Variants in TRAPPC2 observed in about 807,000 individuals in gnomAD.
The protein encoded by TRAPPC2 is sedlin.
Under a neutral mutation model 10.0 loss-of-function variants are expected in TRAPPC2, and 4 were observed. The ratio of observed to expected loss-of-function variants is 0.40; its 90% confidence interval spans 0.20 to 0.92. The LOEUF (loss-of-function observed/expected upper bound fraction) is 0.92, where lower values mean the gene tolerates loss of function less well. Among genes scored for constraint, TRAPPC2 ranks in the 40% least tolerant of loss-of-function variants. The pLI is 0.35. For missense variants in TRAPPC2, 52 were observed against 108.7 expected (o/e 0.48, Z 2.32); for synonymous variants, 36 against 37.3 (o/e 0.97, Z 0.12).
Position 13,716,614 on chromosome X carries a change from A to G in TRAPPC2, c.158T>C (p.Met53Thr), listed in dbSNP as rs753551869. The G allele has an allele frequency of 3.2e-5, 39 of 1,210,255 alleles. No individual in the cohort carries two copies. Among genetic ancestry groups the G allele is most frequent in the Non-Finnish European group, 4.1e-5 (37 of 895,073 alleles). ...CAAGTACATGTTGTTCGATAGCCAC[A>G]TGTTCTCATCTACGAGGTCGAGAGC... The part of the protein sequence containing the change: ...HAALDLVDEN[M>T]WLSNNMYLKT... The change falls in exon 4 of 6, where the codon ATG (methionine) becomes ACG (threonine). Residue 53 changes from methionine to threonine, a missense_variant. By Grantham distance (81) the Met-to-Thr change is moderately conservative. Transcript: ENST00000380579.
At chrX:13,727,687 G>T (rs2046583066) in intron 2 of TRAPPC2, among the ~76,000 whole-genome samples, 1 of 112,046 alleles carries the variant, frequency 8.9e-6, no homozygotes. Context: ...GCAATTAAAA[G>T]AACTAGAGAA....
At chrX:13,715,816 T>C in intron 5 of TRAPPC2, 188 bp downstream of exon 5, 2 of 961,809 alleles carry the variant, frequency 2.1e-6, no homozygotes, top group South Asian at 6.5e-5. Flanking sequence ...GAAGTTGTGT[T>C]CCTAAATACA....
chrX:13,716,712 T>C (rs951693629), intron 3 of TRAPPC2, 34 bp from the exon 4 acceptor site: 9 of 1,201,506 alleles, frequency 7.5e-6, no homozygotes, highest in Non-Finnish European at 1.0e-5. Flanking sequence ...CAGATTAACA[T>C]TTGCATATGG....
Position 13,717,980 on chromosome X carries a change from T to C in TRAPPC2, c.94-1302A>G, listed in dbSNP as rs534462932. Among the ~76,000 whole-genome samples the C allele has an allele frequency of 3.0e-4, 34 of 111,524 alleles. 1 individual carries two copies. In the South Asian group the frequency reaches 0.012, roughly 41 times the overall value. ...TTAGAGATGCACACAGGGAGAAAAA[T>C]GCCACATGAAGACTGGAGTTATGCT... On this transcript the variant is annotated intron_variant, in intron 3 of 5. Transcript: ENST00000380579.
chrX:13,722,013 A>G (rs960092521), intron 2 of TRAPPC2: 2 of 109,591 alleles, frequency 1.8e-5, no homozygotes, highest in African/African-American at 6.7e-5. Flanking sequence ...GATAACAAAG[A>G]CGAGCTGGAA....
At chrX:13,723,286 G>A (rs1053123214) in intron 2 of TRAPPC2, among the ~76,000 whole-genome samples, 1 of 110,739 alleles carries the variant, frequency 9.0e-6, no homozygotes, top group South Asian at 3.8e-4. Context: ...TCCTGCCTCA[G>A]CCTCTTGAGT....
At chrX:13,715,954 A>C in intron 5 of TRAPPC2, 50 bp downstream of exon 5, 1 of 1,136,171 alleles carries the variant, frequency 8.8e-7, no homozygotes, top group South Asian at 2.0e-5. Context: ...TTCCTGACAA[A>C]GGTCGAATCC....
chrX:13,734,597 C>A lies in TRAPPC2; in HGVS notation c.-234G>T. ...AGAGACCCGCGCCCCGAACCTGTAG[C>A]CAGAACGCCGAAGCAGTTCTCGCGA... On this transcript the variant is annotated 5_prime_UTR_variant, in exon 1 of 6. Coordinates refer to ENST00000380579, the MANE Select transcript of TRAPPC2 (RefSeq NM_001011658.4). The A allele has an allele frequency of 2.8e-6, 2 of 714,772 alleles. No individual in the cohort carries two copies. The highest frequency in any genetic ancestry group is 3.5e-6 in the Non-Finnish European group (2 of 574,195). The allele number at this position is 714,772 out of a possible 1,213,427, so 58.9% of individuals were successfully genotyped here. A position where few individuals can be genotyped will look rare whatever the true frequency, so the allele number is the denominator to read the frequency against.
chrX:13,714,450 T>C lies in TRAPPC2; in HGVS notation c.380A>G (p.Asp127Gly), dbSNP rs2046258039. 6.0e-6 allele frequency: 7 copies of C among 1,171,936 alleles called. No individual in the cohort carries two copies. The highest frequency in any genetic ancestry group is 8.0e-6 in the Non-Finnish European group (7 of 873,317). ...CTTCCCAAGAAACTGAACTTTTCTG[T>C]CAAATGCACTTGATCGAATAGGAGA... ...PNSPIRSSAF[D>G]RKVQFLGKKH... The change falls in exon 6 of 6, where the codon GAC becomes GGC. Residue 127 changes from aspartate (D) to glycine (G), a missense_variant. Transcript: ENST00000380579.
chrX:13,723,262 G>C (rs745909217), intron 2 of TRAPPC2, among the ~76,000 whole-genome samples: 1 of 111,473 alleles, frequency 9.0e-6, no homozygotes, highest in African/African-American at 3.3e-5. Context: ...CCGCCTCCCA[G>C]GTTCAGGAGA....
At chrX:13,723,030 G>C in intron 2 of TRAPPC2, among the ~76,000 whole-genome samples, 1 of 105,231 alleles carries the variant, frequency 9.5e-6, no homozygotes, top group Non-Finnish European at 1.9e-5. Flanking sequence ...GGGAGGCGGA[G>C]CTTGCAGTGA....
intron 3 of TRAPPC2, 72 bp from the exon 4 acceptor site, chrX:13,716,750 TA>T: frequency 9.1e-7 from 1 of 1,097,097 alleles, no homozygotes; most frequent in Non-Finnish European, 1.3e-6. Flanking sequence ...TTTCATTCTG[TA>T]AATTCTATAG....
intron 2 of TRAPPC2, among the ~76,000 whole-genome samples, chrX:13,730,893 A>C (rs1456270505): frequency 9.9e-6 from 1 of 101,048 alleles, no homozygotes; most frequent in Non-Finnish European, 2.0e-5. Flanking sequence ...CAGGGCAGGG[A>C]ATATCACACA....
chrX:13,716,682 G>A lies in TRAPPC2; in HGVS notation c.94-4C>T, dbSNP rs775492353. Reference sequence around the variant, plus strand: ...GGTTCAGATGACGATGGTCGTCCTAGATGACAGTGTGAGCAACCACAGATT... The same window carrying A: ...GGTTCAGATGACGATGGTCGTCCTAAATGACAGTGTGAGCAACCACAGATT... On this transcript the variant is annotated splice_polypyrimidine_tract_variant and splice_region_variant and intron_variant, in intron 3 of 5. Transcript: ENST00000380579. 1 of 1,211,126 alleles carries A rather than the reference G, an allele frequency of 8.3e-7. No homozygotes were observed. The highest frequency in any genetic ancestry group is 2.2e-5 in the Admixed American group (1 of 46,027).
At chrX:13,732,781 T>C (rs1189862900) in intron 2 of TRAPPC2, among the ~76,000 whole-genome samples, 1 of 112,857 alleles carries the variant, frequency 8.9e-6, no homozygotes, top group Admixed American at 9.3e-5. Context: ...AAATGCAAGA[T>C]AAAACTCATG....
At chrX:13,721,872 CAG>C (rs2046416176) in intron 2 of TRAPPC2, 2 of 110,706 alleles carry the variant, frequency 1.8e-5, no homozygotes, top group African/African-American at 6.6e-5. Context: ...GCTTCAATGG[CAG>C]AGTTAAGCAC....
intron 2 of TRAPPC2, 85 bp from the exon 3 acceptor site, chrX:13,720,067 T>A: frequency 1.4e-6 from 1 of 699,582 alleles, no homozygotes; most frequent in South Asian, 4.2e-5. Context: ...AATTCTTTTT[T>A]AAATTTAAAC....
intron 2 of TRAPPC2, among the ~76,000 whole-genome samples, chrX:13,724,664 T>C (rs1317696280): frequency 8.9e-6 from 1 of 112,446 alleles, no homozygotes; most frequent in Non-Finnish European, 1.9e-5. Flanking sequence ...ACCTCCGGTC[T>C]GCAGCTCCCA....
In TRAPPC2 at chrX:13,714,157, A is replaced by AC. The variant is rs2046254497; in HGVS notation, c.*249_*250insG. On this transcript the variant is annotated 3_prime_UTR_variant, in exon 6 of 6. Coordinates refer to ENST00000380579, the MANE Select transcript of TRAPPC2 (RefSeq NM_001011658.4). Reference sequence around the variant, plus strand: ...ACTCTGTATCAGAAAAAAAAAAAAAAAAAAAACATGATTATTGATAATGAA... The same window carrying AC: ...ACTCTGTATCAGAAAAAAAAAAAAAACAAAAAACATGATTATTGATAATGAA... 1 of 188,641 alleles carries AC rather than the reference A, an allele frequency of 5.3e-6. No individual in the cohort carries two copies. The highest frequency in any genetic ancestry group is 9.7e-6 in the Non-Finnish European group (1 of 102,660). The allele number at this position is 188,641 out of a possible 1,213,427, so 15.5% of individuals were successfully genotyped here. A position where few individuals can be genotyped will look rare whatever the true frequency, so the allele number is the denominator to read the frequency against.
Sources: allele counts gnomAD v4.1 joint callset (sites outside exome capture counted in the v4.1 genomes callset), GRCh38; gene constraint gnomAD v4.1.1; transcripts MANE v1.5; gene names NCBI Gene and HGNC (gene_info 2026-07-23, HGNC 2026-07-21).